Variants in PIK3CD observed in about 807,000 individuals in gnomAD.
The protein encoded by PIK3CD is phosphatidylinositol-4,5-bisphosphate 3-kinase catalytic subunit delta.
A neutral mutation model predicts 122.9 loss-of-function variants in PIK3CD; 20 were observed. The ratio of observed to expected loss-of-function variants is 0.16; its 90% CI spans 0.11 to 0.24. The LOEUF is 0.24. Ranked by LOEUF, PIK3CD falls within the 10% of genes least tolerant of loss-of-function variation. The pLI, the probability that PIK3CD is intolerant of heterozygous loss-of-function variation, is 1.00. For missense variants in PIK3CD, 787 were observed against 1,406.3 expected (o/e 0.56, Z 7.04); for synonymous variants, 596 against 593.4 (o/e 1.00, Z -0.06).
the PIK3CD span, among the ~76,000 whole-genome samples, chr1:9,639,523 A>C: frequency 6.6e-6 from 1 of 152,178 alleles, no homozygotes; most frequent in African/African-American, 2.4e-5. Context: ...TTACAGAAGA[A>C]ACAGACTGAA....
At chr1:9,654,222 C>G (rs548452597) in intron 1 of PIK3CD, 1 of 1,367,472 alleles carries the variant, frequency 7.3e-7, no homozygotes, top group African/African-American at 1.5e-5. Context: ...AATTAGGGCA[C>G]GTGCCCCAGA....
At chr1:9,702,984 G>A (rs752653575) in intron 2 of PIK3CD, among the ~76,000 whole-genome samples, 7 of 152,224 alleles carry the variant, frequency 4.6e-5, no homozygotes, top group Non-Finnish European at 1.0e-4. Flanking sequence ...GGGATAGACT[G>A]TAGCTTCAGG....
chr1:9,683,393 G>A (rs12096928), intron 1 of PIK3CD, among the ~76,000 whole-genome samples: 1 of 150,718 alleles, frequency 6.6e-6, no homozygotes, highest in African/African-American at 2.4e-5. Context: ...AGCCGAGATC[G>A]CGCCACTGCA....
intron 1 of PIK3CD, among the ~76,000 whole-genome samples, chr1:9,665,672 C>A (rs1645137403): frequency 6.6e-6 from 1 of 152,018 alleles, no homozygotes; most frequent in East Asian, 1.9e-4. Context: ...GATATTATAT[C>A]CATTCTCATA....
chr1:9,692,455 C>G (rs573549362), intron 2 of PIK3CD, among the ~76,000 whole-genome samples: 15 of 152,154 alleles, frequency 9.9e-5, no homozygotes, highest in East Asian at 3.9e-4. Flanking sequence ...GGCCGGGTGC[C>G]GTGGCTCATG....
chr1:9,710,618 C>T lies in PIK3CD; in HGVS notation c.141+22C>T. ...GCAGGTATGGCCTCCATCCGGTCCT[C>T]AGACCTTGGTGCTCAGAGAGAGAGA... On this transcript the variant is annotated intron_variant, in intron 3 of 23. Transcript: ENST00000377346. The surrounding 1 kb of genome is among the most constrained non-coding windows in gnomAD (Gnocchi z 4.7). The T allele has an allele frequency of 6.2e-7, 1 of 1,610,940 alleles. No homozygotes were observed. Among genetic ancestry groups the T allele is most frequent in the South Asian group, 1.1e-5 (1 of 90,658 alleles).
chr1:9,651,492 T>C (rs1644670019), upstream of PIK3CD, among the ~76,000 whole-genome samples: 2 of 152,154 alleles, frequency 1.3e-5, no homozygotes, highest in East Asian at 1.9e-4. Flanking sequence ...TTCCTTTGCA[T>C]AAAAAGAAAA....
the PIK3CD span, among the ~76,000 whole-genome samples, chr1:9,635,579 C>A: frequency 1.2e-4 from 18 of 152,284 alleles, no homozygotes; most frequent in South Asian, 8.3e-4. Flanking sequence ...TCAGGTGATA[C>A]CCCTGGTCTT....
At chr1:9,713,011 A>G (rs1647118586) in intron 3 of PIK3CD, among the ~76,000 whole-genome samples, 1 of 152,130 alleles carries the variant, frequency 6.6e-6, no homozygotes, top group Admixed American at 6.6e-5. Flanking sequence ...GTGAATCCCC[A>G]TCTCTACTGA....
At chr1:9,699,976 C>A (rs980166613) in intron 2 of PIK3CD, among the ~76,000 whole-genome samples, 4 of 152,200 alleles carry the variant, frequency 2.6e-5, no homozygotes, top group African/African-American at 9.7e-5. Flanking sequence ...TGAGCCTCAA[C>A]TTCAGAATGA....
intron 2 of PIK3CD, among the ~76,000 whole-genome samples, chr1:9,696,093 C>G (rs1646406860): frequency 6.6e-6 from 1 of 151,416 alleles, no homozygotes; most frequent in Non-Finnish European, 1.5e-5. Context: ...TGCCTCAGCC[C>G]CCCGAGTAGC....
chr1:9,638,107 AAAAT>A, the PIK3CD span, among the ~76,000 whole-genome samples: 6 of 151,542 alleles, frequency 4.0e-5, no homozygotes, highest in South Asian at 2.1e-4. Flanking sequence ...ACTCTGTCTC[AAAAT>A]AAATAAATAA....
the PIK3CD span, among the ~76,000 whole-genome samples, chr1:9,643,731 C>G: frequency 6.6e-6 from 1 of 152,174 alleles, no homozygotes; most frequent in African/African-American, 2.4e-5. Context: ...TGTCCCCAGG[C>G]TACAGATGAG....
Position 9,651,791 on chromosome 1 carries a change from T to G in PIK3CD, c.-149T>G, listed in dbSNP as rs567591140. 4 of 151,930 alleles carry G rather than the reference T, an allele frequency of 2.6e-5. No individual in the cohort carries two copies. In the East Asian group the frequency reaches 7.8e-4, roughly 30 times the overall value. The allele number at this position is 151,930 out of a possible 1,614,324, so 9.4% of individuals were successfully genotyped here. Reference sequence around the variant, plus strand: ...AGCAGAGCCGCCCAGCCCTGCCAGCTGCGCCGGGACGGTAAGCGATCGCCG... The same window carrying G: ...AGCAGAGCCGCCCAGCCCTGCCAGCGGCGCCGGGACGGTAAGCGATCGCCG... On this transcript the variant is annotated 5_prime_UTR_variant, in exon 1 of 24. Coordinates refer to ENST00000377346, the MANE Select transcript of PIK3CD (RefSeq NM_005026.5).
At position 9,721,872 on chromosome 1, in the gene PIK3CD, G is replaced by T; in HGVS notation, c.2055+12G>T. Reference sequence around the variant, plus strand: ...TGCTGATGAAGCAGGTGAGGCCCAAGGCCCTGGGGGGCGGGCAGGGGGCGG... The same window carrying T: ...TGCTGATGAAGCAGGTGAGGCCCAATGCCCTGGGGGGCGGGCAGGGGGCGG... On this transcript the variant is annotated intron_variant, in intron 16 of 23. Coordinates refer to ENST00000377346, the MANE Select transcript of PIK3CD (RefSeq NM_005026.5). 6.2e-7 allele frequency: 1 copy of T among 1,612,762 alleles called. No homozygotes were observed. Among genetic ancestry groups the T allele is most frequent in the East Asian group, 2.2e-5 (1 of 44,874 alleles).
chr1:9,650,635 G>GA, upstream of PIK3CD, among the ~76,000 whole-genome samples: 1 of 150,978 alleles, frequency 6.6e-6, no homozygotes, highest in East Asian at 1.9e-4. Flanking sequence ...AAAAAGAAAA[G>GA]AAAAAAGAAA....
At chr1:9,674,429 C>T (rs1645436270) in intron 1 of PIK3CD, among the ~76,000 whole-genome samples, 1 of 152,092 alleles carries the variant, frequency 6.6e-6, no homozygotes, top group Admixed American at 6.5e-5. Context: ...CCTGTAACCC[C>T]AGCACTTTGG....
At position 9,723,057 on chromosome 1, in the gene PIK3CD, G is replaced by A. The variant is rs1648939448; in HGVS notation, c.2427-68G>A. ...CTTTTTGGGGCACCATGAGTTTCTG[G>A]GGCTCAAGTGGCCTCAGGGACAGCC... On this transcript the variant is annotated intron_variant, in intron 19 of 23. Transcript: ENST00000377346. The surrounding 1 kb of genome is among the most constrained non-coding windows in gnomAD (Gnocchi z 4.9). 3 of 1,504,552 alleles carry A rather than the reference G, an allele frequency of 2.0e-6. No homozygotes were observed. Among genetic ancestry groups the A allele is most frequent in the Non-Finnish European group, 2.8e-6 (3 of 1,082,540 alleles). 93.2% of individuals were successfully genotyped at this position (1,504,552 alleles called of 1,614,324 possible). A position where few individuals can be genotyped will look rare whatever the true frequency, so the allele number is the denominator to read the frequency against.
chr1:9,630,330 C>T, the PIK3CD span, among the ~76,000 whole-genome samples: 14 of 152,350 alleles, frequency 9.2e-5, no homozygotes, highest in African/African-American at 3.4e-4. Flanking sequence ...GGGGCTGTTC[C>T]TGCACTGGCT....
Sources: allele counts gnomAD v4.1 joint callset (sites outside exome capture counted in the v4.1 genomes callset), GRCh38; gene constraint gnomAD v4.1.1; non-coding constraint Gnocchi (gnomAD v3.1); transcripts MANE v1.5; gene names NCBI Gene and HGNC (gene_info 2026-07-23, HGNC 2026-07-21).